Variants in UTRN observed in about 807,000 individuals in gnomAD.
The protein encoded by UTRN is utrophin.
UTRN carries 283 observed loss-of-function variants against 463.9 expected under a neutral mutation model. That is an observed-to-expected ratio of 0.61 (90% CI 0.55 to 0.67). The LOEUF (loss-of-function observed/expected upper bound fraction) is 0.67. Among genes scored for constraint, UTRN ranks in the 30% least tolerant of loss-of-function variants. The pLI, the probability that UTRN is intolerant of heterozygous loss-of-function variation, is 0.00. For missense variants in UTRN, 3,922 were observed against 4,084.3 expected, an observed-to-expected ratio of 0.96 and a Z score of 1.08; for synonymous variants, 1,442 against 1,431.5, an observed-to-expected ratio of 1.01 and a Z score of -0.17.
chr6:144,516,314 A>T lies in UTRN; in HGVS notation c.5330A>T (p.Lys1777Ile), dbSNP rs1281620958. The T allele has an allele frequency of 6.2e-7, 1 of 1,613,894 alleles. No individual in the cohort carries two copies. The highest frequency in any genetic ancestry group is 1.1e-5 in the South Asian group (1 of 91,052). The change falls in exon 38 of 75, where the codon AAA becomes ATA. Residue 1777 changes from lysine (K) to isoleucine (I), a missense_variant. By Grantham distance (102) the Lys-to-Ile change is moderately radical. Coordinates refer to ENST00000367545, the MANE Select transcript of UTRN (RefSeq NM_007124.3). The stretch of plus-strand genomic sequence containing the variant: ...GGTGTGCCTTTCTCTGACTTGGAAA[A>T]ATTAGAAAATGACATAGAAAATATG... ...ETGVPFSDLE[K>I]LENDIENMLK...
intron 17 of UTRN, among the ~76,000 whole-genome samples, chr6:144,449,953 C>A (rs1366767402): frequency 6.6e-6 from 1 of 152,050 alleles, no homozygotes; most frequent in Non-Finnish European, 1.5e-5. Context: ...GGTGAGGATT[C>A]CTTGAGTTAA....
chr6:144,704,432 A>C (rs1347889266), intron 53 of UTRN, among the ~76,000 whole-genome samples: 1 of 152,180 alleles, frequency 6.6e-6, no homozygotes, highest in Non-Finnish European at 1.5e-5. Context: ...GATTCACAGA[A>C]TTTATACAAA....
At chr6:144,786,626 C>T (rs1776320255) in intron 61 of UTRN, among the ~76,000 whole-genome samples, 1 of 152,018 alleles carries the variant, frequency 6.6e-6, no homozygotes, top group South Asian at 2.1e-4. Flanking sequence ...TGCCTCTGTG[C>T]CTTTGCTCAG....
At chr6:144,685,350 G>A (rs762553581) in intron 52 of UTRN, among the ~76,000 whole-genome samples, 1 of 152,168 alleles carries the variant, frequency 6.6e-6, no homozygotes, top group Non-Finnish European at 1.5e-5. Context: ...ACGAGTGCCA[G>A]TGTCTTTTTG....
At chr6:144,802,596 A>C (rs1049441615) in intron 64 of UTRN, among the ~76,000 whole-genome samples, 1 of 152,166 alleles carries the variant, frequency 6.6e-6, no homozygotes, top group African/African-American at 2.4e-5. Flanking sequence ...ATTTCCATTC[A>C]AGGATGCATT....
At position 144,851,129 on chromosome 6, in the gene UTRN, TCTA is replaced by T; in HGVS notation, c.*135_*137del. On this transcript the variant is annotated 3_prime_UTR_variant, in exon 75 of 75. Transcript: ENST00000367545. ...ACGATGTTGAGTGCTGACTGTGTGT[TCTA>T]CTGAAAGAGTAAAACACTGACTATC... The T allele has an allele frequency of 8.5e-7, 1 of 1,174,630 alleles. No individual in the cohort carries two copies. The highest frequency in any genetic ancestry group is 1.3e-6 in the Non-Finnish European group (1 of 783,740). The allele number at this position is 1,174,630 out of a possible 1,614,324, so 72.8% of individuals were successfully genotyped here.
At chr6:144,339,140 CTT>C (rs539132769) in intron 2 of UTRN, among the ~76,000 whole-genome samples, 251 of 152,202 alleles carry the variant, frequency 1.6e-3, no homozygotes, top group Non-Finnish European at 2.3e-3. Flanking sequence ...TTGTGAAACT[CTT>C]TGACATGTGT....
At chr6:144,307,434 C>T (rs1419360784) in intron 2 of UTRN, among the ~76,000 whole-genome samples, 3 of 152,178 alleles carry the variant, frequency 2.0e-5, no homozygotes, top group Admixed American at 6.5e-5. Flanking sequence ...ATTATATTCT[C>T]AAAGGAGACC....
At chr6:144,573,136 A>G (rs1384324937) in intron 50 of UTRN, among the ~76,000 whole-genome samples, 1 of 151,892 alleles carries the variant, frequency 6.6e-6, no homozygotes, top group Non-Finnish European at 1.5e-5. Context: ...GCTTTTTTTC[A>G]TCTGTTTGTT....
chr6:144,577,984 C>T (rs1405903684), intron 51 of UTRN, among the ~76,000 whole-genome samples: 4 of 152,122 alleles, frequency 2.6e-5, no homozygotes, highest in Non-Finnish European at 5.9e-5. Flanking sequence ...GCGTAGGTCA[C>T]CTGAGGTCAG....
chr6:144,588,963 A>G (rs1802740680), intron 51 of UTRN, among the ~76,000 whole-genome samples: 1 of 152,236 alleles, frequency 6.6e-6, no homozygotes, highest in South Asian at 2.1e-4. Context: ...TGTGAAGTGC[A>G]TCAGAGGGTT....
intron 51 of UTRN, among the ~76,000 whole-genome samples, chr6:144,627,059 A>G (rs1329612125): frequency 6.6e-6 from 1 of 151,666 alleles, no homozygotes; most frequent in Admixed American, 6.6e-5. Context: ...GGCCCCATTC[A>G]GTAACCTTTT....
chr6:144,627,577 A>G (rs1387444221), intron 51 of UTRN, among the ~76,000 whole-genome samples: 5 of 152,046 alleles, frequency 3.3e-5, no homozygotes, highest in Non-Finnish European at 7.4e-5. Flanking sequence ...ATTATCTCAA[A>G]CGGAAACTCT....
intron 51 of UTRN, among the ~76,000 whole-genome samples, chr6:144,674,530 A>C (rs1055370334): frequency 1.3e-4 from 20 of 151,532 alleles, no homozygotes; most frequent in Non-Finnish European, 2.4e-4. Context: ...TTCTCTAAAG[A>C]CTTTTTCATC....
At chr6:144,408,544 A>C (rs565539291) in intron 3 of UTRN, among the ~76,000 whole-genome samples, 1 of 152,322 alleles carries the variant, frequency 6.6e-6, no homozygotes, top group South Asian at 2.1e-4. Context: ...GCTGAACTTG[A>C]GTTTGTGCAA....
At chr6:144,692,065 C>A (rs528888633) in intron 52 of UTRN, among the ~76,000 whole-genome samples, 2 of 152,214 alleles carry the variant, frequency 1.3e-5, no homozygotes, top group African/African-American at 4.8e-5. Flanking sequence ...CTGATAGGCC[C>A]CAGTGTTTGT....
chr6:144,362,803 A>G (rs1192956238), intron 2 of UTRN, among the ~76,000 whole-genome samples: 1 of 152,208 alleles, frequency 6.6e-6, no homozygotes. Flanking sequence ...GGTCCTTACA[A>G]CATCTGACCT....
At chr6:144,682,706 G>T (rs148700919) in intron 52 of UTRN, among the ~76,000 whole-genome samples, 1 of 152,192 alleles carries the variant, frequency 6.6e-6, no homozygotes, top group East Asian at 1.9e-4. Context: ...TTAGCTAAAG[G>T]CGTAAATGAT....
intron 2 of UTRN, among the ~76,000 whole-genome samples, chr6:144,386,873 C>CA (rs1043952253): frequency 6.6e-6 from 1 of 151,304 alleles, no homozygotes; most frequent in African/African-American, 2.4e-5. Context: ...CAAATAAAGA[C>CA]AAAAAAACTC....
Sources: allele counts gnomAD v4.1 joint callset (sites outside exome capture counted in the v4.1 genomes callset), GRCh38; gene constraint gnomAD v4.1.1; transcripts MANE v1.5; gene names NCBI Gene and HGNC (gene_info 2026-07-23, HGNC 2026-07-21).